The following C8orf34 variants were observed in gnomAD, a reference collection of about 807,000 sequenced individuals.
C8orf34 encodes uncharacterized protein C8orf34.
In C8orf34, 65 loss-of-function variants were observed where a neutral mutation model predicts 68.3. The ratio of observed to expected loss-of-function variants is 0.95; its 90% CI spans 0.78 to 1.17. C8orf34 has a LOEUF of 1.17. Ranked by LOEUF, C8orf34 falls within the 50% of genes most tolerant of loss-of-function variation. The pLI, the probability that C8orf34 is intolerant of heterozygous loss-of-function variation, is 0.00. For synonymous variants in C8orf34, 244 were observed against 241.2 expected, an observed-to-expected ratio of 1.01 and a Z score of -0.11; for missense variants, 664 against 655.4, an observed-to-expected ratio of 1.01 and a Z score of -0.14.
chr8:68,784,340 A>G (rs1823780598), intron 11 of C8orf34, among the ~76,000 whole-genome samples: 1 of 152,226 alleles, frequency 6.6e-6, no homozygotes, highest in African/African-American at 2.4e-5. Context: ...GGTAAAATTT[A>G]ATTTTCATCA....
At chr8:68,419,939 T>C (rs953980739) in intron 1 of C8orf34, among the ~76,000 whole-genome samples, 1 of 146,554 alleles carries the variant, frequency 6.8e-6, no homozygotes, top group African/African-American at 2.5e-5. Flanking sequence ...GTAACTAACC[T>C]GCACATTGTG....
chr8:68,494,568 C>G (rs928663293), intron 5 of C8orf34, among the ~76,000 whole-genome samples: 2 of 152,016 alleles, frequency 1.3e-5, no homozygotes, highest in African/African-American at 4.8e-5. Context: ...AAAATATAGT[C>G]TTTTAGTCTG....
chr8:68,792,439 G>C (rs1220449761), intron 12 of C8orf34: 1 of 151,702 alleles, frequency 6.6e-6, no homozygotes, highest in Non-Finnish European at 1.5e-5. Flanking sequence ...GGGCGTGGTG[G>C]CACACGCCTG....
chr8:68,383,364 T>C (rs1214403213), intron 1 of C8orf34, among the ~76,000 whole-genome samples: 1 of 152,218 alleles, frequency 6.6e-6, no homozygotes, highest in African/African-American at 2.4e-5. Context: ...CTACTTCAGA[T>C]CCCTGTGATG....
At chr8:68,519,342 C>T (rs960811300) in intron 5 of C8orf34, among the ~76,000 whole-genome samples, 2 of 152,180 alleles carry the variant, frequency 1.3e-5, no homozygotes, top group South Asian at 2.1e-4. Flanking sequence ...ATACAAATTT[C>T]GTATACATAT....
At chr8:68,699,434 C>A (rs1164139976) in intron 8 of C8orf34, among the ~76,000 whole-genome samples, 5 of 152,070 alleles carry the variant, frequency 3.3e-5, no homozygotes, top group Admixed American at 3.3e-4. Flanking sequence ...AGCTCCAGAG[C>A]ATGCTGGCCA....
chr8:68,560,192 A>T (rs1366731674), intron 7 of C8orf34, among the ~76,000 whole-genome samples: 2 of 151,066 alleles, frequency 1.3e-5, no homozygotes, highest in African/African-American at 2.4e-5. Flanking sequence ...AGACTGGAAG[A>T]TGTATTGGAG....
intron 8 of C8orf34, among the ~76,000 whole-genome samples, chr8:68,706,088 A>ATTTTTTTGCAG (rs1481492823): frequency 2.6e-5 from 4 of 152,214 alleles, no homozygotes; most frequent in Non-Finnish European, 5.9e-5. Flanking sequence ...AAGGAATGGA[A>ATTTTTTTGCAG]AAAAGAAAGA....
rs565526422 is a variant in C8orf34 at position 68,616,643 on chromosome 8, T to C, written c.1106-23733T>C. Among the ~76,000 whole-genome samples, 616 of 152,330 alleles carry C rather than the reference T, an allele frequency of 4.0e-3. 4 individuals are homozygous for C. The highest frequency in any genetic ancestry group is 7.6e-3 in the Non-Finnish European group (514 of 68,024). On this transcript the variant is annotated intron_variant, in intron 7 of 13. Coordinates refer to ENST00000518698, the MANE Select transcript of C8orf34 (RefSeq NM_052958.4). ...CCTGAGTTCTAGTTTGATTGCACTG[T>C]GGTCTGAGAGACAGTTTGTTATAAT...
upstream of C8orf34, chr8:68,330,727 C>G (rs2129617552): frequency 2.9e-6 from 1 of 349,394 alleles, no homozygotes; most frequent in Non-Finnish European, 5.1e-6. Context: ...CGAGCAGCCT[C>G]GGGGAGCAGC....
chr8:68,488,568 A>C (rs1296360707), intron 5 of C8orf34, among the ~76,000 whole-genome samples: 1 of 152,134 alleles, frequency 6.6e-6, no homozygotes, highest in Non-Finnish European at 1.5e-5. Flanking sequence ...TGTCACTGGA[A>C]CTTGCTAATG....
At chr8:68,674,730 G>A (rs191500491) in intron 8 of C8orf34, among the ~76,000 whole-genome samples, 4 of 152,020 alleles carry the variant, frequency 2.6e-5, no homozygotes, top group African/African-American at 9.7e-5. Context: ...TTTATTCAAA[G>A]GGATAATATC....
At chr8:68,397,887 G>A (rs538570812) in intron 1 of C8orf34, among the ~76,000 whole-genome samples, 1 of 152,168 alleles carries the variant, frequency 6.6e-6, no homozygotes, top group South Asian at 2.1e-4. Flanking sequence ...TCCTGCCTCA[G>A]CCTCCTAAGT....
At chr8:68,462,188 CA>C (rs1432608534) in intron 3 of C8orf34, among the ~76,000 whole-genome samples, 1 of 151,840 alleles carries the variant, frequency 6.6e-6, no homozygotes. Context: ...TCAAAAGAGA[CA>C]AAGAAGGCCA....
chr8:68,369,024 C>T lies in C8orf34; in HGVS notation c.327+37685C>T, dbSNP rs143025118. 3.9e-5 allele frequency among the ~76,000 whole-genome samples: 6 copies of T among 152,222 alleles called. No individual in the cohort carries two copies. In the East Asian group the frequency reaches 9.6e-4, roughly 24 times the overall value. ...CCTGGATAATGCAAGGATTTTAGAG[C>T]GCTTTGCCTCTAGCTGACACTTTTT... On this transcript the variant is annotated intron_variant, in intron 1 of 13. Transcript: ENST00000518698.
At chr8:68,723,800 G>A (rs1453936212) in intron 10 of C8orf34, among the ~76,000 whole-genome samples, 1 of 151,950 alleles carries the variant, frequency 6.6e-6, no homozygotes, top group African/African-American at 2.4e-5. Flanking sequence ...ACATAAAAAT[G>A]CAAAGAAAAA....
intron 7 of C8orf34, among the ~76,000 whole-genome samples, chr8:68,544,886 C>T (rs2129977238): frequency 6.6e-6 from 1 of 152,144 alleles, no homozygotes; most frequent in Middle Eastern, 3.4e-3. Context: ...AAACAAGCTT[C>T]ATTGGTCAGT....
intron 7 of C8orf34, among the ~76,000 whole-genome samples, chr8:68,566,223 T>C (rs1267865882): frequency 2.0e-5 from 3 of 152,164 alleles, no homozygotes; most frequent in Non-Finnish European, 2.9e-5. Flanking sequence ...TTAAGTCATG[T>C]CACAGGGCCT....
At chr8:68,533,864 T>C (rs1228485105) in intron 7 of C8orf34, 5 of 972,948 alleles carry the variant, frequency 5.1e-6, no homozygotes, top group Non-Finnish European at 6.1e-6. Flanking sequence ...TATAAAACAA[T>C]GAGTTTTGAA....
Sources: allele counts gnomAD v4.1 joint callset (sites outside exome capture counted in the v4.1 genomes callset), GRCh38; gene constraint gnomAD v4.1.1; transcripts MANE v1.5; gene names NCBI Gene and HGNC (gene_info 2026-07-23, HGNC 2026-07-21).